The following ELF1 variants were observed in gnomAD, a reference collection of about 807,000 sequenced individuals.
ELF1 encodes the protein E74 like ETS transcription factor 1, also known as ETS-related transcription factor Elf-1.
A neutral mutation model predicts 59.9 loss-of-function variants in ELF1; 24 were observed. The ratio of observed to expected loss-of-function variants is 0.40; its 90% CI spans 0.29 to 0.56. ELF1 has a LOEUF of 0.56. Among genes scored for constraint, ELF1 ranks in the 20% least tolerant of loss-of-function variants. ELF1 has a pLI of 0.44. For missense variants in ELF1, 627 were observed against 742.2 expected, an observed-to-expected ratio of 0.84 and a Z score of 1.80; for synonymous variants, 248 against 266.2, an observed-to-expected ratio of 0.93 and a Z score of 0.67.
intron 2 of ELF1, among the ~76,000 whole-genome samples, chr13:40,981,779 A>G (rs1211978365): frequency 6.6e-6 from 1 of 152,298 alleles, no homozygotes; most frequent in South Asian, 2.1e-4. Context: ...CCTTGTTACC[A>G]TATCAAAGCT....
At chr13:40,977,465 G>C (rs1872984040) in intron 2 of ELF1, among the ~76,000 whole-genome samples, 1 of 151,972 alleles carries the variant, frequency 6.6e-6, no homozygotes, top group Non-Finnish European at 1.5e-5. Flanking sequence ...CTCCACTCAA[G>C]AGTGCCAAGC....
intron 2 of ELF1, among the ~76,000 whole-genome samples, chr13:40,972,475 G>A (rs1452243243): frequency 6.6e-6 from 1 of 152,154 alleles, no homozygotes; most frequent in Non-Finnish European, 1.5e-5. Flanking sequence ...AAAACGATCT[G>A]AATGAATTTG....
chr13:41,015,367 G>A (rs974300176), intron 1 of ELF1, among the ~76,000 whole-genome samples: 7 of 151,944 alleles, frequency 4.6e-5, no homozygotes, highest in African/African-American at 1.7e-4. Context: ...AGGGATAACT[G>A]GGATGGGAAA....
chr13:40,944,782 C>T (rs543620269), intron 5 of ELF1, among the ~76,000 whole-genome samples: 29 of 152,236 alleles, frequency 1.9e-4, no homozygotes, highest in Non-Finnish European at 2.4e-4. Flanking sequence ...CCCAAACATC[C>T]TTGAGGCTGC....
chr13:40,956,361 T>G (rs1379167521), intron 3 of ELF1, among the ~76,000 whole-genome samples: 2 of 152,092 alleles, frequency 1.3e-5, no homozygotes, highest in African/African-American at 4.8e-5. Flanking sequence ...GTTAAACAGA[T>G]ATTTGAAGGC....
intron 3 of ELF1, among the ~76,000 whole-genome samples, chr13:40,956,263 G>A (rs1197132834): frequency 6.6e-6 from 1 of 151,980 alleles, no homozygotes; most frequent in Non-Finnish European, 1.5e-5. Flanking sequence ...CTGTTGATCT[G>A]TGACCTTACC....
chr13:40,979,333 T>A (rs1450143523), intron 2 of ELF1, among the ~76,000 whole-genome samples: 21 of 152,188 alleles, frequency 1.4e-4, no homozygotes, highest in Non-Finnish European at 1.8e-4. Flanking sequence ...ACAGCAATCC[T>A]ATAACTTAGG....
At chr13:40,993,449 C>T (rs1298203648) in intron 1 of ELF1, 9 of 616,618 alleles carry the variant, frequency 1.5e-5, no homozygotes, top group East Asian at 2.7e-5. Flanking sequence ...TGCTACTATC[C>T]GCCCAACTTA....
chr13:40,935,916 T>A (rs1869738740), intron 8 of ELF1, among the ~76,000 whole-genome samples: 2 of 151,902 alleles, frequency 1.3e-5, no homozygotes, highest in African/African-American at 4.8e-5. Context: ...ATCATTGGCA[T>A]CACGTGAGCC....
chr13:40,992,169 T>G (rs372837969), intron 1 of ELF1, among the ~76,000 whole-genome samples: 2 of 152,254 alleles, frequency 1.3e-5, no homozygotes, highest in African/African-American at 4.8e-5. Context: ...TATTTGTCAT[T>G]TGCAGATGAG....
Position 40,981,976 on chromosome 13 carries a change from C to A in ELF1, c.72+7G>T. 6.2e-7 allele frequency: 1 copy of A among 1,603,314 alleles called. No individual in the cohort carries two copies. Among genetic ancestry groups the A allele is most frequent in the Non-Finnish European group, 8.5e-7 (1 of 1,175,048 alleles). On this transcript the variant is annotated splice_region_variant and intron_variant, in intron 2 of 8. Transcript: ENST00000239882. Reference sequence around the variant, plus strand: ...CATTAAAATGAAATTTTCTCTGAATCTCATACCTGTCGTTCATCCTCCATG... The same window carrying A: ...CATTAAAATGAAATTTTCTCTGAATATCATACCTGTCGTTCATCCTCCATG...
At chr13:40,934,719 C>G (rs1869652469) in intron 8 of ELF1, among the ~76,000 whole-genome samples, 1 of 152,126 alleles carries the variant, frequency 6.6e-6, no homozygotes. Flanking sequence ...TGTGCCCGGC[C>G]TGCTATTTTA....
chr13:40,954,663 T>A, intron 3 of ELF1, among the ~76,000 whole-genome samples: 1 of 152,208 alleles, frequency 6.6e-6, no homozygotes. Context: ...TTGGCCGGGC[T>A]GGTCTCCAGC....
chr13:40,937,239 G>C (rs1025974515), intron 8 of ELF1, among the ~76,000 whole-genome samples: 1 of 152,116 alleles, frequency 6.6e-6, no homozygotes, highest in Admixed American at 6.5e-5. Flanking sequence ...TAAGCTGCTT[G>C]TAAACAACTG....
chr13:40,971,652 A>G (rs1872555924), intron 2 of ELF1, among the ~76,000 whole-genome samples: 2 of 152,196 alleles, frequency 1.3e-5, no homozygotes. Flanking sequence ...GAATTCCCCA[A>G]GATAATGTTT....
intron 1 of ELF1, among the ~76,000 whole-genome samples, chr13:41,052,925 T>C (rs1877141803): frequency 6.6e-6 from 1 of 152,178 alleles, no homozygotes; most frequent in East Asian, 1.9e-4. Context: ...GACATATGTG[T>C]TAGCAAAAAA....
At chr13:41,019,387 C>T, upstream of ELF1, 1 of 985,388 alleles carries the variant, frequency 1.0e-6, no homozygotes, top group Non-Finnish European at 1.2e-6. Context: ...GAGGCACGCC[C>T]ATGTTGCTGT....
chr13:40,943,243 A>G, intron 6 of ELF1, 99 bp from the exon 7 acceptor site: 1 of 1,032,810 alleles, frequency 9.7e-7, no homozygotes, highest in Middle Eastern at 3.0e-4. Context: ...TTATATTTAT[A>G]CAAAAATATT....
chr13:41,005,071 T>C (rs551309501), intron 1 of ELF1, among the ~76,000 whole-genome samples: 2 of 152,300 alleles, frequency 1.3e-5, no homozygotes, highest in South Asian at 4.1e-4. Flanking sequence ...ATGTCAAGTA[T>C]TTCCTGCCTT....
Sources: gnomAD v4.1 joint callset for allele counts (sites outside exome capture counted in the v4.1 genomes callset) on GRCh38, gnomAD v4.1.1 for gene constraint, MANE v1.5 for transcripts, NCBI Gene and HGNC (gene_info 2026-07-23, HGNC 2026-07-21) for gene names.